CARMIL1: variants seen among roughly 807,000 people sequenced by gnomAD.
The protein encoded by CARMIL1 is capping protein regulator and myosin 1 linker 1, also known as F-actin-uncapping protein LRRC16A.
Under a neutral mutation model 177.1 loss-of-function variants are expected in CARMIL1, and 90 were observed. The observed-to-expected ratio is 0.51, with a 90% CI of 0.43 to 0.61. The LOEUF (loss-of-function observed/expected upper bound fraction) is 0.61, where lower values mean the gene tolerates loss of function less well. CARMIL1 is among the 20% of genes least tolerant of loss of function. The probability of loss-of-function intolerance (pLI) is 0.00; values close to 1 mark genes in which losing one functional copy is unlikely to be tolerated. For synonymous variants in CARMIL1, 577 were observed against 606.2 expected (o/e 0.95, Z 0.71); for missense variants, 1,380 against 1,667.0 (o/e 0.83, Z 3.00).
At chr6:25,315,864 A>G (rs1784235513) in intron 2 of CARMIL1, among the ~76,000 whole-genome samples, 2 of 152,182 alleles carry the variant, frequency 1.3e-5, no homozygotes, top group South Asian at 4.1e-4. Context: ...GTCATTGCCA[A>G]TACTTGGGGC....
chr6:25,500,984 G>T lies in CARMIL1; in HGVS notation c.1395+749G>T, dbSNP rs10214630. Among the ~76,000 whole-genome samples, 877 of 151,808 alleles carry T rather than the reference G, an allele frequency of 5.8e-3. 6 individuals carry two copies. The highest frequency in any genetic ancestry group is 0.02 in the African/African-American group (823 of 41,390). On this transcript the variant is annotated intron_variant, in intron 17 of 36. Transcript: ENST00000329474. ...TCACTGTGTTAGCCAGGATGGTCTG[G>T]ATCTCCTGACCTCATGATCCACCCG...
chr6:25,521,939 CATAG>C (rs549468128), intron 23 of CARMIL1, among the ~76,000 whole-genome samples: 2 of 152,148 alleles, frequency 1.3e-5, no homozygotes, highest in Non-Finnish European at 2.9e-5. Flanking sequence ...ACCCTTACCC[CATAG>C]GTAACTTTGT....
intron 2 of CARMIL1, among the ~76,000 whole-genome samples, chr6:25,401,993 T>C (rs1283327569): frequency 6.6e-6 from 1 of 152,018 alleles, no homozygotes. Flanking sequence ...GCGTGTAGTT[T>C]TTTTTTTTTT....
intron 29 of CARMIL1, among the ~76,000 whole-genome samples, chr6:25,572,832 G>A (rs956526533): frequency 4.0e-5 from 6 of 151,056 alleles, no homozygotes; most frequent in Non-Finnish European, 8.8e-5. Context: ...AAAAATAAAT[G>A]TCTCTAAAGG....
intron 11 of CARMIL1, among the ~76,000 whole-genome samples, chr6:25,480,661 T>C (rs1314289967): frequency 6.9e-6 from 1 of 145,066 alleles, no homozygotes; most frequent in Non-Finnish European, 1.5e-5. Flanking sequence ...TTATTTATAT[T>C]TAATTTAAAT....
At position 25,604,543 on chromosome 6, in the gene CARMIL1, A is replaced by G. The variant is rs1815751842; in HGVS notation, c.3553-269A>G. ...AAGCCCACTGACTTTCCCTGGCCCCATGCACCTCTCACCTGTGAGGAGCCT... is the reference window on the plus strand; with the variant it reads ...AAGCCCACTGACTTTCCCTGGCCCCGTGCACCTCTCACCTGTGAGGAGCCT... On this transcript the variant is annotated intron_variant, in intron 33 of 36. Coordinates refer to ENST00000329474, the MANE Select transcript of CARMIL1 (RefSeq NM_017640.6). Among the ~76,000 whole-genome samples the G allele has an allele frequency of 3.9e-5, 6 of 152,160 alleles. No individual in the cohort carries two copies. The South Asian group carries it at 1.0e-3, about 26-fold the overall frequency.
rs1656971970 is a variant in CARMIL1 at position 25,556,714 on chromosome 6, G to A, written c.2606G>A (p.Ser869Asn). The change falls in exon 29 of 37, where the codon AGC becomes AAC. Residue 869 changes from serine to asparagine, a missense_variant. Coordinates refer to ENST00000329474, the MANE Select transcript of CARMIL1 (RefSeq NM_017640.6). The part of the protein sequence containing the change: ...HCHHKLADHF[S>N]RRGKTLPQQE... ...TTGACCTTCTAGGCTGACCATTTCAGCAGACGTGGCAAGACCCTTCCTCAA... is the reference window on the plus strand; with the variant it reads ...TTGACCTTCTAGGCTGACCATTTCAACAGACGTGGCAAGACCCTTCCTCAA... 6.2e-7 allele frequency: 1 copy of A among 1,612,914 alleles called. No homozygotes were observed. The highest frequency in any genetic ancestry group is 1.3e-5 in the African/African-American group (1 of 74,924).
At chr6:25,459,272 T>TCTTTTTCTTTCTTTCTTTCTTTCTTTTC in intron 8 of CARMIL1, among the ~76,000 whole-genome samples, 1 of 134,978 alleles carries the variant, frequency 7.4e-6, no homozygotes, top group East Asian at 2.4e-4. Context: ...CTTTCTTTTT[T>TCTTTTTCTTTCTTTCTTTCTTTCTTTTC]TTTTTTTTAA....
chr6:25,372,474 T>C (rs1790515145), intron 2 of CARMIL1, among the ~76,000 whole-genome samples: 1 of 152,168 alleles, frequency 6.6e-6, no homozygotes, highest in Non-Finnish European at 1.5e-5. Context: ...GTTAAGTATA[T>C]TTCTAGGTAA....
At chr6:25,481,370 T>C (rs943352158) in intron 11 of CARMIL1, among the ~76,000 whole-genome samples, 1 of 152,190 alleles carries the variant, frequency 6.6e-6, no homozygotes. Flanking sequence ...TTAGAAGTTG[T>C]GATAAGATTT....
intron 2 of CARMIL1, among the ~76,000 whole-genome samples, chr6:25,312,682 A>G (rs1783925610): frequency 6.6e-6 from 1 of 151,324 alleles, no homozygotes; most frequent in South Asian, 2.1e-4. Flanking sequence ...TTATTCCTTC[A>G]GTCACTCAGT....
At chr6:25,367,344 G>A (rs1167113345) in intron 2 of CARMIL1, among the ~76,000 whole-genome samples, 1 of 152,182 alleles carries the variant, frequency 6.6e-6, no homozygotes, top group Non-Finnish European at 1.5e-5. Context: ...GTTTGGTCAA[G>A]TGGGATGTAA....
intron 29 of CARMIL1, among the ~76,000 whole-genome samples, chr6:25,578,760 A>G (rs1812834449): frequency 6.6e-6 from 1 of 152,224 alleles, no homozygotes. Context: ...ACTACAAGAT[A>G]TGATAGGTAT....
At chr6:25,379,993 A>G (rs1791369185) in intron 2 of CARMIL1, among the ~76,000 whole-genome samples, 1 of 148,670 alleles carries the variant, frequency 6.7e-6, no homozygotes, top group Admixed American at 6.6e-5. Context: ...CCTCCATGGA[A>G]TTTATTCTGC....
rs1425283917 is a variant in CARMIL1 at position 25,475,153 on chromosome 6, C to T, written c.874+2632C>T. On this transcript the variant is annotated intron_variant, in intron 11 of 36. Coordinates refer to ENST00000329474, the MANE Select transcript of CARMIL1 (RefSeq NM_017640.6). Reference sequence around the variant, plus strand: ...GGGCGTGGTGGCTCACGCCTGTAATCCCAGCACTTTGGGAGGCCGAGGTGG... The same window carrying T: ...GGGCGTGGTGGCTCACGCCTGTAATTCCAGCACTTTGGGAGGCCGAGGTGG... Among the ~76,000 whole-genome samples the T allele has an allele frequency of 2.6e-5, 4 of 152,184 alleles. No individual in the cohort carries two copies. In the East Asian group the frequency reaches 7.7e-4, roughly 29 times the overall value.
chr6:25,438,340 T>C (rs1581940492), intron 5 of CARMIL1, among the ~76,000 whole-genome samples: 1 of 152,198 alleles, frequency 6.6e-6, no homozygotes, highest in Non-Finnish European at 1.5e-5. Context: ...GCAGTGAACA[T>C]GGTCCCTGCC....
chr6:25,618,363 T>C (rs1297003019), intron 36 of CARMIL1, among the ~76,000 whole-genome samples: 2 of 152,290 alleles, frequency 1.3e-5, no homozygotes, highest in South Asian at 2.1e-4. Context: ...GGTTAGATCA[T>C]TGGAACTTCC....
intron 26 of CARMIL1, among the ~76,000 whole-genome samples, chr6:25,540,580 A>G (rs575816420): frequency 6.6e-6 from 1 of 152,326 alleles, no homozygotes; most frequent in South Asian, 2.1e-4. Context: ...ATTCACTGAA[A>G]AAAAGGTAAG....
At chr6:25,559,062 G>A (rs1810885003) in intron 29 of CARMIL1, among the ~76,000 whole-genome samples, 1 of 152,094 alleles carries the variant, frequency 6.6e-6, no homozygotes, top group Non-Finnish European at 1.5e-5. Flanking sequence ...ATAATTTCGT[G>A]TATACTTTCA....
Sources: allele counts gnomAD v4.1 joint callset (sites outside exome capture counted in the v4.1 genomes callset), GRCh38; gene constraint gnomAD v4.1.1; transcripts MANE v1.5; gene names NCBI Gene and HGNC (gene_info 2026-07-23, HGNC 2026-07-21).